Variants in CABLES1 observed in about 807,000 individuals in gnomAD.
The protein encoded by CABLES1 is Cdk5 and Abl enzyme substrate 1.
Under a neutral mutation model 57.8 loss-of-function variants are expected in CABLES1, and 36 were observed. That is an observed-to-expected ratio of 0.62 (90% CI 0.48 to 0.82). The LOEUF (loss-of-function observed/expected upper bound fraction) is 0.82, where lower values mean the gene tolerates loss of function less well. CABLES1 is among the 40% of genes least tolerant of loss of function. The pLI, the probability that CABLES1 is intolerant of heterozygous loss-of-function variation, is 0.00. For synonymous variants in CABLES1, 374 were observed against 363.0 expected (o/e 1.03, Z -0.35); for missense variants, 767 against 836.6 (o/e 0.92, Z 1.03).
chr18:23,143,488 A>G (rs1255818344), intron 1 of CABLES1, among the ~76,000 whole-genome samples: 2 of 152,120 alleles, frequency 1.3e-5, no homozygotes, highest in African/African-American at 4.8e-5. Flanking sequence ...TTCCCGCTGT[A>G]TCTTCTCAGC....
intron 7 of CABLES1, among the ~76,000 whole-genome samples, chr18:23,238,532 T>C (rs2047661271): frequency 6.6e-6 from 1 of 152,196 alleles, no homozygotes; most frequent in East Asian, 1.9e-4. Context: ...TTACTTTTCT[T>C]CCACTCTATG....
chr18:23,185,947 G>A (rs2047199424), intron 1 of CABLES1, among the ~76,000 whole-genome samples: 1 of 152,212 alleles, frequency 6.6e-6, no homozygotes, highest in South Asian at 2.1e-4. Flanking sequence ...CCTTCTGGCT[G>A]TAGGGAGACC....
intron 7 of CABLES1, among the ~76,000 whole-genome samples, chr18:23,247,899 T>TC (rs2047937098): frequency 1.3e-5 from 2 of 152,186 alleles, no homozygotes; most frequent in Admixed American, 1.3e-4. Context: ...AGCACTGGGC[T>TC]CCCTGGGCCA....
rs1367513711 is a variant in CABLES1, at chr18:23,258,245, G to C, written c.*878G>C. 2 of 152,640 alleles carry C rather than the reference G, an allele frequency of 1.3e-5. No homozygotes were observed. The highest frequency in any genetic ancestry group is 2.9e-5 in the Non-Finnish European group (2 of 68,052). 9.5% of individuals were successfully genotyped at this position (152,640 alleles called of 1,614,324 possible). ...CTTTCTCCACTGTGGAGATGGCTGG[G>C]GCGGCGCCCCACAGTGTGTATTCCT... On this transcript the variant is annotated 3_prime_UTR_variant, in exon 10 of 10. Coordinates refer to ENST00000256925, the MANE Select transcript of CABLES1 (RefSeq NM_001100619.3).
At chr18:23,216,228 G>A (rs926149785) in intron 4 of CABLES1, among the ~76,000 whole-genome samples, 3 of 152,192 alleles carry the variant, frequency 2.0e-5, no homozygotes, top group African/African-American at 7.2e-5. Context: ...TGGTACCCAA[G>A]TGCTCATCCC....
intron 1 of CABLES1, among the ~76,000 whole-genome samples, chr18:23,188,571 G>T (rs895672765): frequency 3.3e-5 from 5 of 152,056 alleles, no homozygotes; most frequent in Admixed American, 6.6e-5. Context: ...GTGTGTCCTT[G>T]GGGGAAGTGT....
chr18:23,200,438 T>A (rs1231537605), intron 3 of CABLES1, among the ~76,000 whole-genome samples: 2 of 152,116 alleles, frequency 1.3e-5, no homozygotes, highest in African/African-American at 2.4e-5. Context: ...TTTTTTATAC[T>A]TTTTTAGTAG....
At chr18:23,138,486 C>A (rs1598793048) in intron 1 of CABLES1, among the ~76,000 whole-genome samples, 1 of 152,120 alleles carries the variant, frequency 6.6e-6, no homozygotes, top group African/African-American at 2.4e-5. Flanking sequence ...CAGCTGTGAA[C>A]AGAAACAGCT....
intron 2 of CABLES1, among the ~76,000 whole-genome samples, chr18:23,192,041 G>C (rs1047687008): frequency 1.3e-5 from 2 of 150,788 alleles, no homozygotes; most frequent in Admixed American, 6.6e-5. Context: ...ATCTTGTTAA[G>C]TTACCCTGTT....
chr18:23,194,659 A>G (rs902633847), intron 3 of CABLES1, 119 bp downstream of exon 3: 4 of 669,788 alleles, frequency 6.0e-6, no homozygotes, highest in Non-Finnish European at 1.1e-5. Context: ...TAAGATGAGC[A>G]GGATCTCATG....
Position 23,135,976 on chromosome 18 carries a change from A to T in CABLES1, c.214A>T (p.Ile72Phe). The change falls in exon 1 of 10, where the codon ATC becomes TTC. Residue 72 changes from isoleucine to phenylalanine, a missense_variant. By Grantham distance (21) the Ile-to-Phe change is conservative. Transcript: ENST00000256925. The part of the protein sequence containing the change: ...RQAALSFLTN[I>F]SLDGRLPPQD... ...GGCTGCCCTCTCCTTCCTCACCAAC[A>T]TCTCGCTGGACGGCCGGCTGCCGCC... The T allele has an allele frequency of 8.8e-7, 1 of 1,135,308 alleles. No individual in the cohort carries two copies. The highest frequency in any genetic ancestry group is 1.1e-6 in the Non-Finnish European group (1 of 926,430). 70.3% of individuals were successfully genotyped at this position (1,135,308 alleles called of 1,614,324 possible). A position where few individuals can be genotyped will look rare whatever the true frequency, so the allele number is the denominator to read the frequency against.
chr18:23,178,018 G>A (rs1040139039), intron 1 of CABLES1, among the ~76,000 whole-genome samples: 1 of 152,160 alleles, frequency 6.6e-6, no homozygotes, highest in Admixed American at 6.5e-5. Context: ...TGCATAGGGC[G>A]CATTTCTGTC....
chr18:23,218,088 T>A (rs1028791675), intron 4 of CABLES1, among the ~76,000 whole-genome samples: 1 of 152,226 alleles, frequency 6.6e-6, no homozygotes, highest in Non-Finnish European at 1.5e-5. Flanking sequence ...GGGGCTAATG[T>A]GCAGCTCCAA....
At chr18:23,198,830 C>G (rs1160211373) in intron 3 of CABLES1, among the ~76,000 whole-genome samples, 1 of 152,176 alleles carries the variant, frequency 6.6e-6, no homozygotes, top group African/African-American at 2.4e-5. Flanking sequence ...TCCATGAGTC[C>G]CATTTCCAAG....
chr18:23,257,423 T>G lies in CABLES1; in HGVS notation c.*56T>G. 1 of 1,516,772 alleles carries G rather than the reference T, an allele frequency of 6.6e-7. No homozygotes were observed. The highest frequency in any genetic ancestry group is 8.8e-7 in the Non-Finnish European group (1 of 1,132,962). The allele number at this position is 1,516,772 out of a possible 1,614,324, so 94.0% of individuals were successfully genotyped here. Reference sequence around the variant, plus strand: ...TCTTCTCAGCTTGGTGGAGCAGCACTTACTTACTACTGGAAATGAAAAAAA... The same window carrying G: ...TCTTCTCAGCTTGGTGGAGCAGCACGTACTTACTACTGGAAATGAAAAAAA... On this transcript the variant is annotated 3_prime_UTR_variant, in exon 10 of 10. Transcript: ENST00000256925.
intron 1 of CABLES1, among the ~76,000 whole-genome samples, chr18:23,150,206 TG>T (rs570954767): frequency 1.0e-5 from 1 of 98,210 alleles, no homozygotes; most frequent in Non-Finnish European, 2.0e-5. Flanking sequence ...AGTTGGTGTT[TG>T]TTTTTTTTTT....
At chr18:23,257,036 G>A (rs961937403) in intron 9 of CABLES1, 191 bp from the exon 10 acceptor site, 4 of 607,892 alleles carry the variant, frequency 6.6e-6, no homozygotes, top group Non-Finnish European at 1.1e-5. Flanking sequence ...CGGGAAAGGA[G>A]CAGCTCCTTC....
At chr18:23,220,452 G>A (rs753036125) in intron 4 of CABLES1, among the ~76,000 whole-genome samples, 10 of 152,188 alleles carry the variant, frequency 6.6e-5, no homozygotes, top group Non-Finnish European at 1.2e-4. Flanking sequence ...GTGGCAGTAG[G>A]TGGGGGTAGG....
At chr18:23,212,767 A>G (rs971904387) in intron 3 of CABLES1, among the ~76,000 whole-genome samples, 2 of 152,172 alleles carry the variant, frequency 1.3e-5, no homozygotes, top group African/African-American at 2.4e-5. Flanking sequence ...AGACAGCACC[A>G]AAAAGGGAAC....
Sources: allele counts gnomAD v4.1 joint callset (sites outside exome capture counted in the v4.1 genomes callset), GRCh38; gene constraint gnomAD v4.1.1; transcripts MANE v1.5; gene names NCBI Gene and HGNC (gene_info 2026-07-23, HGNC 2026-07-21).